WDPCP: variants seen among roughly 807,000 people sequenced by gnomAD.
WDPCP encodes the protein WD repeat containing planar cell polarity effector.
A neutral mutation model predicts 93.1 loss-of-function variants in WDPCP; 71 were observed. That is an observed-to-expected ratio of 0.76 (90% CI 0.63 to 0.93). WDPCP has a LOEUF of 0.93. WDPCP is among the 40% of genes least tolerant of loss of function. The probability of loss-of-function intolerance (pLI) is 0.00; values close to 1 mark genes in which losing one functional copy is unlikely to be tolerated. For missense variants in WDPCP, 844 were observed against 887.4 expected (o/e 0.95, Z 0.62); for synonymous variants, 315 against 315.0 (o/e 1.00, Z 0.00).
intron 3 of WDPCP, among the ~76,000 whole-genome samples, chr2:63,601,325 C>T (rs1246156179): frequency 2.6e-5 from 4 of 152,172 alleles, no homozygotes; most frequent in Non-Finnish European, 4.4e-5. Flanking sequence ...ATTCAGAGGC[C>T]TTAGCGACTT....
chr2:63,127,121 CTTTTTTTTTT>C (rs66754554), intron 17 of WDPCP, among the ~76,000 whole-genome samples: 1 of 119,852 alleles, frequency 8.3e-6, no homozygotes. Flanking sequence ...ACATATTTAA[CTTTTTTTTTT>C]TTTTTTTTTG....
intron 1 of WDPCP, among the ~76,000 whole-genome samples, chr2:63,549,451 A>G (rs1216008159): frequency 6.6e-6 from 1 of 152,090 alleles, no homozygotes; most frequent in African/African-American, 2.4e-5. Flanking sequence ...AAAATTACCA[A>G]GTCATTAGCA....
At chr2:63,415,319 T>C (rs1442475497) in intron 9 of WDPCP, among the ~76,000 whole-genome samples, 3 of 152,164 alleles carry the variant, frequency 2.0e-5, no homozygotes, top group African/African-American at 7.2e-5. Context: ...GCTAGTATCA[T>C]GCCACTGCAT....
chr2:63,344,499 A>G (rs1290015443), intron 12 of WDPCP, among the ~76,000 whole-genome samples: 2 of 152,184 alleles, frequency 1.3e-5, no homozygotes, highest in East Asian at 1.9e-4. Flanking sequence ...GCCTGTGTCC[A>G]GCTCTGGGCA....
chr2:63,659,264 G>C (rs112092783), intron 2 of WDPCP, among the ~76,000 whole-genome samples: 1 of 152,130 alleles, frequency 6.6e-6, no homozygotes. Context: ...AATAATGGTC[G>C]AGAGAAAAAC....
intron 2 of WDPCP, among the ~76,000 whole-genome samples, chr2:63,700,282 CAAAAAAAA>C (rs1196006011): frequency 4.8e-5 from 2 of 41,574 alleles, no homozygotes; most frequent in Non-Finnish European, 8.8e-5. Context: ...GACCCTGTCT[CAAAAAAAA>C]AAAAAAAAAA....
intron 13 of WDPCP, among the ~76,000 whole-genome samples, chr2:63,277,186 T>C (rs1449492734): frequency 6.6e-6 from 1 of 151,222 alleles, no homozygotes; most frequent in Non-Finnish European, 1.5e-5. Context: ...CTGAGAGAAT[T>C]CGCCACTACC....
intron 1 of WDPCP, among the ~76,000 whole-genome samples, chr2:63,524,015 T>G (rs1053689789): frequency 6.6e-6 from 1 of 152,014 alleles, no homozygotes; most frequent in Non-Finnish European, 1.5e-5. Flanking sequence ...CCATTCACAA[T>G]AGACACAAAA....
At chr2:63,815,803 A>G (rs917627867) in intron 1 of WDPCP, among the ~76,000 whole-genome samples, 1 of 152,226 alleles carries the variant, frequency 6.6e-6, no homozygotes, top group Non-Finnish European at 1.5e-5. Context: ...AGCCTAGGTG[A>G]TAGCTGCAAG....
chr2:63,483,085 G>C (rs747822170), intron 6 of WDPCP, among the ~76,000 whole-genome samples: 26 of 151,908 alleles, frequency 1.7e-4, no homozygotes, highest in Admixed American at 1.4e-3. Flanking sequence ...TATCTAAAAA[G>C]GATTGTCTTT....
chr2:63,270,805 C>A (rs1370560381), intron 13 of WDPCP, among the ~76,000 whole-genome samples: 1 of 152,146 alleles, frequency 6.6e-6, no homozygotes, highest in African/African-American at 2.4e-5. Flanking sequence ...TCCTTATGGA[C>A]CCTGAGACTA....
chr2:63,236,036 C>A (rs1230576916), intron 14 of WDPCP, among the ~76,000 whole-genome samples: 1 of 152,138 alleles, frequency 6.6e-6, no homozygotes, highest in African/African-American at 2.4e-5. Context: ...AAAAGGAAGT[C>A]AAATTATCTC....
chr2:63,586,750 G>T (rs1470638629), intron 1 of WDPCP, among the ~76,000 whole-genome samples: 1 of 152,160 alleles, frequency 6.6e-6, no homozygotes, highest in Non-Finnish European at 1.5e-5. Flanking sequence ...GGGAATACGG[G>T]GGCTTACATG....
chr2:63,592,070 T>G (rs985675356), upstream of WDPCP, among the ~76,000 whole-genome samples: 1 of 152,188 alleles, frequency 6.6e-6, no homozygotes, highest in Non-Finnish European at 1.5e-5. Flanking sequence ...TCTAGCCCCC[T>G]GTTTTAGAAA....
upstream of WDPCP, among the ~76,000 whole-genome samples, chr2:63,830,727 G>A (rs1282223775): frequency 6.6e-6 from 1 of 152,040 alleles, no homozygotes; most frequent in Non-Finnish European, 1.5e-5. Flanking sequence ...CGTTATCCTG[G>A]TTTTCTTAAA....
At chr2:63,620,556 G>A (rs1709724261) in intron 3 of WDPCP, among the ~76,000 whole-genome samples, 1 of 152,166 alleles carries the variant, frequency 6.6e-6, no homozygotes, top group Admixed American at 6.5e-5. Flanking sequence ...CCATCTCCCT[G>A]GGACAGAGCA....
At chr2:63,374,203 A>G (rs1691649193) in intron 12 of WDPCP, among the ~76,000 whole-genome samples, 2 of 151,980 alleles carry the variant, frequency 1.3e-5, no homozygotes, top group South Asian at 4.1e-4. Context: ...GCTCTCAGTT[A>G]TGTCTCCTAT....
At chr2:63,584,245 G>A (rs1708693642) in intron 1 of WDPCP, among the ~76,000 whole-genome samples, 2 of 152,044 alleles carry the variant, frequency 1.3e-5, no homozygotes, top group East Asian at 1.9e-4. Flanking sequence ...CCAGTACCCC[G>A]TCTCCTACTC....
intron 3 of WDPCP, among the ~76,000 whole-genome samples, chr2:63,644,802 G>T (rs1040262770): frequency 6.6e-6 from 1 of 152,046 alleles, no homozygotes. Flanking sequence ...GCATATAGTT[G>T]CTCATATAGC....
Sources: gnomAD v4.1 joint callset for allele counts (sites outside exome capture counted in the v4.1 genomes callset) on GRCh38, gnomAD v4.1.1 for gene constraint, MANE v1.5 for transcripts, NCBI Gene and HGNC (gene_info 2026-07-23, HGNC 2026-07-21) for gene names.